The following NOMO3 variants were observed in gnomAD, a reference collection of about 807,000 sequenced individuals.
NOMO3 encodes the protein NODAL modulator 3, also known as BOS complex subunit NOMO3.
A neutral mutation model predicts 69.9 loss-of-function variants in NOMO3; 15 were observed. That is an observed-to-expected ratio of 0.21 (90% CI 0.14 to 0.33). NOMO3 has a LOEUF of 0.33. Ranked by LOEUF, NOMO3 falls within the 10% of genes least tolerant of loss-of-function variation. The pLI, the probability that NOMO3 is intolerant of heterozygous loss-of-function variation, is 1.00. For missense variants in NOMO3, 218 were observed against 761.0 expected, an observed-to-expected ratio of 0.29 and a Z score of 8.39; for synonymous variants, 89 against 301.9, an observed-to-expected ratio of 0.29 and a Z score of 7.31.
At chr16:16,267,542 C>G (rs2049629686) in intron 16 of NOMO3, among the ~76,000 whole-genome samples, 1 of 142,844 alleles carries the variant, frequency 7.0e-6, no homozygotes, top group African/African-American at 2.9e-5. Flanking sequence ...TCAGGCGATT[C>G]CCCTGCCTCA....
At chr16:16,265,637 GATATATATATATATATAT>G (rs1160088009) in intron 15 of NOMO3, among the ~76,000 whole-genome samples, 2 of 42,376 alleles carry the variant, frequency 4.7e-5, no homozygotes, top group Non-Finnish European at 7.1e-5. Flanking sequence ...GAGTTTCTCT[GATATATATATATATATAT>G]ATATATATAT....
At position 16,267,202 on chromosome 16, in the gene NOMO3, AT is replaced by A. The variant is rs1321967022; in HGVS notation, c.1894+78del. 213 of 1,408,102 alleles carry A rather than the reference AT, an allele frequency of 1.5e-4. 8 individuals are homozygous for A. Among genetic ancestry groups the A allele is most frequent in the Middle Eastern group, 4.3e-4 (2 of 4,610 alleles). The allele number at this position is 1,408,102 out of a possible 1,614,324, so 87.2% of individuals were successfully genotyped here. A position where few individuals can be genotyped will look rare whatever the true frequency, so the allele number is the denominator to read the frequency against. On this transcript the variant is annotated intron_variant, in intron 16 of 30. Transcript: ENST00000399336. ...GGCACCAGAGGATGGTTTTGAAGGCATTTTTTTCTACCTTGGTTCTGTTTGC... is the reference window on the plus strand; with the variant it reads ...GGCACCAGAGGATGGTTTTGAAGGCATTTTTTCTACCTTGGTTCTGTTTGC...
chr16:16,261,459 T>C (rs1567564683), intron 11 of NOMO3, 43 bp from the exon 12 acceptor site: 13 of 1,566,100 alleles, frequency 8.3e-6, no homozygotes, highest in Non-Finnish European at 1.0e-5. Flanking sequence ...TTTCCTGTTA[T>C]AATTGAGTCC....
chr16:16,245,543 A>G (rs1281555267), intron 5 of NOMO3, among the ~76,000 whole-genome samples: 1 of 139,074 alleles, frequency 7.2e-6, no homozygotes, highest in Middle Eastern at 3.5e-3. Context: ...TTAAAAAATT[A>G]TATCAAGTAG....
At position 16,268,838 on chromosome 16, in the gene NOMO3, AG is replaced by A. The variant is rs1468584121; in HGVS notation, c.1895-1281del. 4.2e-5 allele frequency among the ~76,000 whole-genome samples: 6 copies of A among 143,980 alleles called. 1 individual carries two copies. Among genetic ancestry groups the A allele is most frequent in the Non-Finnish European group, 8.8e-5 (6 of 67,810 alleles). 94.5% of individuals were successfully genotyped at this position (143,980 alleles called of 152,430 possible). A position where few individuals can be genotyped will look rare whatever the true frequency, so the allele number is the denominator to read the frequency against. On this transcript the variant is annotated intron_variant, in intron 16 of 30. Coordinates refer to ENST00000399336, the MANE Select transcript of NOMO3 (RefSeq NM_001004067.4). ...CTGTGGTTAGAAAACTTATGTTTAA[AG>A]GAGGAAGTCAAGGAGAGGGCAGGCA...
intron 15 of NOMO3, chr16:16,266,598 T>C (rs74621735): frequency 0.089 from 23,500 of 265,312 alleles, 3,130 homozygotes; most frequent in East Asian, 0.22. Context: ...CTCATTCAGG[T>C]GCAGCCCTAT....
rs2049475129 is a variant in NOMO3 at position 16,252,798 on chromosome 16, G to T, written c.963+276G>T. 2.1e-5 allele frequency among the ~76,000 whole-genome samples: 2 copies of T among 94,320 alleles called. 1 individual carries two copies. The highest frequency in any genetic ancestry group is 1.2e-4 in the African/African-American group (2 of 17,212). The allele number at this position is 94,320 out of a possible 152,430, so 61.9% of individuals were successfully genotyped here. On this transcript the variant is annotated intron_variant, in intron 9 of 30. Transcript: ENST00000399336. ...ACTGGGGATATAGCAGTGACCAAAA[G>T]AGGCAAAAATTCTTGTCCCTGTGGA...
At chr16:16,241,630 A>G (rs1402073832) in intron 3 of NOMO3, among the ~76,000 whole-genome samples, 3 of 111,654 alleles carry the variant, frequency 2.7e-5, no homozygotes, top group Admixed American at 1.8e-4. Flanking sequence ...CTGGTCTCGA[A>G]CTCCTGACCT....
chr16:16,269,312 C>T (rs1316350071), intron 16 of NOMO3, among the ~76,000 whole-genome samples: 1 of 142,726 alleles, frequency 7.0e-6, no homozygotes, highest in Non-Finnish European at 1.5e-5. Context: ...AAGACAGGGA[C>T]CACTGCTCTG....
chr16:16,269,476 G>T, intron 16 of NOMO3, among the ~76,000 whole-genome samples: 1 of 130,622 alleles, frequency 7.7e-6, no homozygotes, highest in African/African-American at 3.4e-5. Context: ...GGGGCTTGTT[G>T]AGTGCAATGA....
At position 16,247,379 on chromosome 16, in the gene NOMO3, AT is replaced by A. The variant is rs2049423792; in HGVS notation, c.510-10del. On this transcript the variant is annotated splice_polypyrimidine_tract_variant and intron_variant, in intron 5 of 30. Transcript: ENST00000399336. ...GTTGTTTGGAGAAAGTTAAATGGTT[AT>A]TTTTTATGTCTTAGGTTTGCATTTT... 1 of 213,250 alleles carries A rather than the reference AT, an allele frequency of 4.7e-6. No individual in the cohort carries two copies. Among genetic ancestry groups the A allele is most frequent in the Non-Finnish European group, 8.2e-6 (1 of 122,094 alleles). 13.2% of individuals were successfully genotyped at this position (213,250 alleles called of 1,614,324 possible).
intron 2 of NOMO3, among the ~76,000 whole-genome samples, chr16:16,237,874 C>T (rs1356339161): frequency 6.9e-6 from 1 of 144,408 alleles, no homozygotes; most frequent in Non-Finnish European, 1.5e-5. Flanking sequence ...TGATGTGCAT[C>T]CTAACAGATT....
In NOMO3 at chr16:16,263,610, C is replaced by T. The variant is rs1433291427; in HGVS notation, c.1635C>T (p.Phe545=). The T allele has an allele frequency of 2.9e-6, 2 of 697,946 alleles. No individual in the cohort carries two copies. Among genetic ancestry groups the T allele is most frequent in the South Asian group, 1.9e-5 (1 of 52,682 alleles). 43.2% of individuals were successfully genotyped at this position (697,946 alleles called of 1,614,324 possible). Residue 545 remains phenylalanine, a synonymous_variant, in exon 14 of 31, where the codon TTC becomes TTT. Coordinates refer to ENST00000399336, the MANE Select transcript of NOMO3 (RefSeq NM_001004067.4). ...CCGGCAAGGTCAACGCCATGACTTT[C>T]ACCTTTGACAACGTGCTCCCTGGAA... ...QLSGKVNAMT[F]TFDNVLPGKY... is the part of the protein sequence containing the mutation.
At chr16:16,264,896 T>C in intron 14 of NOMO3, 147 bp from the exon 15 acceptor site, 1 of 560,388 alleles carries the variant, frequency 1.8e-6, no homozygotes, top group South Asian at 2.1e-5. Flanking sequence ...TAGTTATAAA[T>C]ATATGTATGT....
Position 16,259,073 on chromosome 16 carries a change from A to C in NOMO3, c.1221-2429A>C, listed in dbSNP as rs1596809757. 9.1e-5 allele frequency among the ~76,000 whole-genome samples: 13 copies of C among 142,524 alleles called. 3 individuals are homozygous for C. The South Asian group carries it at 2.9e-3, about 31-fold the overall frequency. 93.5% of individuals were successfully genotyped at this position (142,524 alleles called of 152,430 possible). On this transcript the variant is annotated intron_variant, in intron 11 of 30. Coordinates refer to ENST00000399336, the MANE Select transcript of NOMO3 (RefSeq NM_001004067.4). ...CAGGCGGCTGGCAGGCGAGGGAGCGAGGAGTAGATGGATTTGGTAGGTCAC... is the reference window on the plus strand; with the variant it reads ...CAGGCGGCTGGCAGGCGAGGGAGCGCGGAGTAGATGGATTTGGTAGGTCAC...
At position 16,262,906 on chromosome 16, in the gene NOMO3, C is replaced by T. The variant is rs1214078083; in HGVS notation, c.1396-168C>T. ...TCTGGGTAGAACCGTGCTTACTTCA[C>T]ACAAGTTATTCGTGGATTTGTTGTG... On this transcript the variant is annotated intron_variant, in intron 12 of 30. Transcript: ENST00000399336. Among the ~76,000 whole-genome samples the T allele has an allele frequency of 7.0e-5, 10 of 143,148 alleles. 1 individual carries two copies. Among genetic ancestry groups the T allele is most frequent in the Admixed American group, 3.4e-4 (5 of 14,828 alleles). 93.9% of individuals were successfully genotyped at this position (143,148 alleles called of 152,430 possible). A position where few individuals can be genotyped will look rare whatever the true frequency, so the allele number is the denominator to read the frequency against.
In NOMO3 at chr16:16,263,036, C is replaced by T. The variant is rs369731654; in HGVS notation, c.1396-38C>T. ...CTGTAGGTCAGGGGGAAGATCTCCCCGAATGCAGCCTCTAACGTTCCATCC... is the reference window on the plus strand; with the variant it reads ...CTGTAGGTCAGGGGGAAGATCTCCCTGAATGCAGCCTCTAACGTTCCATCC... On this transcript the variant is annotated intron_variant, in intron 12 of 30. Coordinates refer to ENST00000399336, the MANE Select transcript of NOMO3 (RefSeq NM_001004067.4). The T allele has an allele frequency of 1.6e-4, 250 of 1,590,432 alleles. 25 individuals are homozygous for T. The African/African-American group carries it at 2.6e-3, about 17-fold the overall frequency.
In NOMO3 at chr16:16,265,922, T is replaced by C. The variant is rs915409868; in HGVS notation, c.1806+743T>C. Among the ~76,000 whole-genome samples, 4 of 144,084 alleles carry C rather than the reference T, an allele frequency of 2.8e-5. No individual in the cohort carries two copies. In the South Asian group the frequency reaches 6.5e-4, roughly 23 times the overall value. 94.5% of individuals were successfully genotyped at this position (144,084 alleles called of 152,430 possible). On this transcript the variant is annotated intron_variant, in intron 15 of 30. Coordinates refer to ENST00000399336, the MANE Select transcript of NOMO3 (RefSeq NM_001004067.4). ...TTGGCCAGACTGGTCTTAAAACTCC[T>C]GACCTCAGGGGATCCACCCGCGTTG...
intron 1 of NOMO3, among the ~76,000 whole-genome samples, chr16:16,234,934 TG>T (rs2049314832): frequency 6.6e-6 from 1 of 152,152 alleles, no homozygotes; most frequent in Non-Finnish European, 1.5e-5. Context: ...CTGCCACACT[TG>T]GCTTGGGTTT....
Sources: gnomAD v4.1 joint callset for allele counts (sites outside exome capture counted in the v4.1 genomes callset) on GRCh38, gnomAD v4.1.1 for gene constraint, MANE v1.5 for transcripts, NCBI Gene and HGNC (gene_info 2026-07-23, HGNC 2026-07-21) for gene names.